The following POTEG variants were observed in gnomAD, a reference collection of about 807,000 sequenced individuals.
POTEG encodes the protein POTE ankyrin domain family member G, also known as ANKRD26-like family C member 2.
Under a neutral mutation model 49.6 loss-of-function variants are expected in POTEG, and 2 were observed. That is an observed-to-expected ratio of 0.04 (90% CI 0.02 to 0.13). The LOEUF is 0.13. Ranked by LOEUF, POTEG falls within the 10% of genes least tolerant of loss-of-function variation. POTEG has a pLI of 1.00. For missense variants in POTEG, 26 were observed against 545.2 expected (o/e 0.05, Z 9.48); for synonymous variants, 7 against 186.6 (o/e 0.04, Z 7.84).
intron 1 of POTEG, among the ~76,000 whole-genome samples, chr14:19,432,364 T>TTGTGTGTG (rs1361907872): frequency 2.3e-5 from 1 of 42,924 alleles, no homozygotes; most frequent in Non-Finnish European, 4.3e-5. Flanking sequence ...AAAAGAAATT[T>TTGTGTGTG]TGTATATATA....
At chr14:19,415,871 A>G in intron 7 of POTEG, among the ~76,000 whole-genome samples, 1 of 102,716 alleles carries the variant, frequency 9.7e-6, no homozygotes, top group Admixed American at 1.5e-4. Context: ...TTTGACACAG[A>G]GTCTTGCTCT....
intron 8 of POTEG, among the ~76,000 whole-genome samples, 176 bp downstream of exon 8, chr14:19,414,386 G>C (rs548493176): frequency 6.9e-6 from 1 of 145,886 alleles, no homozygotes; most frequent in Non-Finnish European, 1.5e-5. Flanking sequence ...ATATCTCTAG[G>C]GTTTGCATCT....
intron 6 of POTEG, among the ~76,000 whole-genome samples, chr14:19,419,936 T>C (rs1310055370): frequency 7.0e-6 from 1 of 143,654 alleles, no homozygotes; most frequent in East Asian, 2.0e-4. Flanking sequence ...CTCATTTCTA[T>C]AGTATTAAAA....
rs1454209923 is a variant in POTEG at position 19,434,082 on chromosome 14, G to T, written c.208C>A (p.Pro70Thr). 2.7e-6 allele frequency: 4 copies of T among 1,457,576 alleles called. No individual in the cohort carries two copies. The African/African-American group carries it at 5.8e-5, about 21-fold the overall frequency. The allele number at this position is 1,457,576 out of a possible 1,614,324, so 90.3% of individuals were successfully genotyped here. A position where few individuals can be genotyped will look rare whatever the true frequency, so the allele number is the denominator to read the frequency against. ...KMGKWCRHCF[P>T]WCRGSSKSNV... Reference sequence around the variant, plus strand: ...CTCTTGCTGCTCCCCCTGCACCAGGGGAAGCAGTGGCGGCACCACTTGCCC... The same window carrying T: ...CTCTTGCTGCTCCCCCTGCACCAGGTGAAGCAGTGGCGGCACCACTTGCCC... Residue 70 changes from proline (P) to threonine (T), a missense_variant, in exon 1 of 11, where the codon CCC (proline) becomes ACC (threonine). Physicochemically the swap from Pro to Thr is conservative, Grantham distance 38. Transcript: ENST00000547848.
chr14:19,432,432 GTATATATATA>G (rs60251207), intron 1 of POTEG, among the ~76,000 whole-genome samples: 2 of 63,928 alleles, frequency 3.1e-5, no homozygotes, highest in Non-Finnish European at 5.8e-5. Context: ...ATGTATATAC[GTATATATATA>G]TATACATATA....
Position 19,432,362 on chromosome 14 carries a change from TTTTGTATATATATATATATA to T in POTEG, c.521+1387_521+1406del, listed in dbSNP as rs1566383039. Among the ~76,000 whole-genome samples, 73 of 31,616 alleles carry T rather than the reference TTTTGTATATATATATATATA, an allele frequency of 2.3e-3. 1 individual carries two copies. Among genetic ancestry groups the T allele is most frequent in the Non-Finnish European group, 3.7e-3 (57 of 15,282 alleles). The allele number at this position is 31,616 out of a possible 152,430, so 20.7% of individuals were successfully genotyped here. ...GACTCCATCAAAAAAAAAAAAGAAA[TTTTGTATATATATATATATA>T]TATATATATATATATATATATACAC... On this transcript the variant is annotated intron_variant, in intron 1 of 10. Coordinates refer to ENST00000547848, the MANE Select transcript of POTEG (RefSeq NM_001005356.3).
At chr14:19,433,192 G>A (rs1359671697) in intron 1 of POTEG, among the ~76,000 whole-genome samples, 16 of 146,660 alleles carry the variant, frequency 1.1e-4, no homozygotes, top group African/African-American at 3.6e-4. Flanking sequence ...CTCCCAAAGT[G>A]CTGGGATTAC....
In POTEG at chr14:19,415,026, G is replaced by A. The variant is rs1393373147; in HGVS notation, c.1198-420C>T. 2.1e-5 allele frequency among the ~76,000 whole-genome samples: 3 copies of A among 144,646 alleles called. 1 individual carries two copies. The highest frequency in any genetic ancestry group is 4.7e-5 in the Non-Finnish European group (3 of 64,190). 94.9% of individuals were successfully genotyped at this position (144,646 alleles called of 152,430 possible). ...TACCTCATGAAACCCTAACTAGTGA[G>A]CCCCCACAGTGCACTGAAGTGCTTT... On this transcript the variant is annotated intron_variant, in intron 7 of 10. Transcript: ENST00000547848.
At chr14:19,419,028 G>C (rs1216912326) in intron 6 of POTEG, among the ~76,000 whole-genome samples, 2 of 113,862 alleles carry the variant, frequency 1.8e-5, no homozygotes, top group Non-Finnish European at 3.4e-5. Context: ...AAAAACAAAG[G>C]CCAACATATT....
At chr14:19,415,986 A>G (rs1594274012) in intron 7 of POTEG, among the ~76,000 whole-genome samples, 1 of 149,734 alleles carries the variant, frequency 6.7e-6, no homozygotes, top group South Asian at 2.1e-4. Context: ...CTGAGACTAC[A>G]GGTGCCCACC....
Position 19,415,503 on chromosome 14 carries a change from G to C in POTEG, c.1197+785C>G, listed in dbSNP as rs1883518669. On this transcript the variant is annotated intron_variant, in intron 7 of 10. Transcript: ENST00000547848. The stretch of plus-strand genomic sequence containing the variant: ...TGATTACTCTTTAACCATGAATCCA[G>C]CTCAGGGACCATCAGTGTTACATTG... Among the ~76,000 whole-genome samples, 3 of 147,864 alleles carry C rather than the reference G, an allele frequency of 2.0e-5. No homozygotes were observed. In the South Asian group the frequency reaches 6.5e-4, roughly 32 times the overall value.
chr14:19,415,050 T>G (rs1330969307), intron 7 of POTEG, among the ~76,000 whole-genome samples: 2 of 145,720 alleles, frequency 1.4e-5, no homozygotes, highest in Admixed American at 6.8e-5. Context: ...CTGAAGTGCT[T>G]TTTTAAAAGA....
intron 7 of POTEG, among the ~76,000 whole-genome samples, chr14:19,415,833 T>C (rs1566376954): frequency 1.2e-3 from 7 of 5,794 alleles, no homozygotes; most frequent in Non-Finnish European, 2.0e-3. Flanking sequence ...ATTAAAATTT[T>C]TTTTTTTTTT....
chr14:19,425,569 C>T lies in POTEG; in HGVS notation c.917+37G>A, dbSNP rs1243696564. The T allele has an allele frequency of 1.3e-5, 9 of 714,238 alleles. 3 individuals are homozygous for T. Among genetic ancestry groups the T allele is most frequent in the Non-Finnish European group, 1.8e-5 (9 of 496,546 alleles). The allele number at this position is 714,238 out of a possible 1,614,324, so 44.2% of individuals were successfully genotyped here. On this transcript the variant is annotated intron_variant, in intron 4 of 10. Coordinates refer to ENST00000547848, the MANE Select transcript of POTEG (RefSeq NM_001005356.3). ...TATTTATGACTTGAGTGACTGCTAT[C>T]CATCTGGAACACACAGATTAAAAGA...
chr14:19,432,384 A>ACACACACACACACATG (rs1884173487), intron 1 of POTEG, among the ~76,000 whole-genome samples: 1 of 66,396 alleles, frequency 1.5e-5, no homozygotes, highest in African/African-American at 4.7e-5. Flanking sequence ...ATATATATAT[A>ACACACACACACACATG]TATATATATA....
intron 1 of POTEG, among the ~76,000 whole-genome samples, chr14:19,431,610 TG>T (rs777279659): frequency 0.021 from 1,640 of 77,060 alleles, no homozygotes; most frequent in South Asian, 0.047. Context: ...TTTGTTTGTT[TG>T]TTTTTTAGAT....
chr14:19,416,801 A>ATTT (rs1198072386), intron 6 of POTEG, among the ~76,000 whole-genome samples: 1 of 7,230 alleles, frequency 1.4e-4, no homozygotes, highest in East Asian at 2.2e-3. Context: ...ATTTATTTTA[A>ATTT]TTTTTTTTTT....
intron 6 of POTEG, among the ~76,000 whole-genome samples, chr14:19,419,872 C>T (rs4080508): frequency 0.019 from 2,578 of 135,376 alleles, 94 homozygotes; most frequent in African/African-American, 0.075. Context: ...CTAGTATTTG[C>T]AGTCCAAAGC....
rs1161717932 is a variant in POTEG, at chr14:19,419,016, A to C, written c.1126+2608T>G. Among the ~76,000 whole-genome samples, 16 of 112,954 alleles carry C rather than the reference A, an allele frequency of 1.4e-4. 3 individuals carry two copies. Among genetic ancestry groups the C allele is most frequent in the African/African-American group, 2.0e-4 (5 of 25,174 alleles). The allele number at this position is 112,954 out of a possible 152,430, so 74.1% of individuals were successfully genotyped here. A position where few individuals can be genotyped will look rare whatever the true frequency, so the allele number is the denominator to read the frequency against. ...AAGCATAACACCAAAAAAAAAAAAA[A>C]CAAAAACAAAGGCCAACATATTAAA... is the stretch of plus-strand genomic sequence containing the variant. On this transcript the variant is annotated intron_variant, in intron 6 of 10. Transcript: ENST00000547848.
Sources: allele counts gnomAD v4.1 joint callset (sites outside exome capture counted in the v4.1 genomes callset), GRCh38; gene constraint gnomAD v4.1.1; transcripts MANE v1.5; gene names NCBI Gene and HGNC (gene_info 2026-07-23, HGNC 2026-07-21).